The following LIMCH1 variants were observed in gnomAD, a reference collection of about 807,000 sequenced individuals.
LIMCH1 encodes the protein LIM and calponin homology domains-containing protein 1.
A neutral mutation model predicts 176.5 loss-of-function variants in LIMCH1; 113 were observed. The observed-to-expected ratio is 0.64, with a 90% CI of 0.55 to 0.75. The LOEUF is 0.75. Among genes scored for constraint, LIMCH1 ranks in the 30% least tolerant of loss-of-function variants. The pLI is 0.00. For missense variants in LIMCH1, 1,674 were observed against 1,814.9 expected, an observed-to-expected ratio of 0.92 and a Z score of 1.41; for synonymous variants, 619 against 645.9, an observed-to-expected ratio of 0.96 and a Z score of 0.63.
chr4:41,471,802 C>T (rs2066995595), intron 1 of LIMCH1, among the ~76,000 whole-genome samples: 1 of 152,094 alleles, frequency 6.6e-6, no homozygotes, highest in Admixed American at 6.5e-5. Context: ...TTACTCATTC[C>T]AGCCATGTAT....
intron 1 of LIMCH1, among the ~76,000 whole-genome samples, chr4:41,390,775 T>G (rs1457152177): frequency 6.6e-6 from 1 of 152,172 alleles, no homozygotes; most frequent in African/African-American, 2.4e-5. Flanking sequence ...AGGGCAAATA[T>G]TACCTGTAAG....
At chr4:41,419,421 A>G (rs1473152835) in intron 1 of LIMCH1, among the ~76,000 whole-genome samples, 1 of 151,738 alleles carries the variant, frequency 6.6e-6, no homozygotes, top group African/African-American at 2.4e-5. Flanking sequence ...TGATCCGCCC[A>G]CCTCGGCCTC....
At chr4:41,441,442 G>T (rs1180405162) in intron 1 of LIMCH1, among the ~76,000 whole-genome samples, 1 of 151,944 alleles carries the variant, frequency 6.6e-6, no homozygotes, top group Non-Finnish European at 1.5e-5. Context: ...CTCTTGAGTC[G>T]GTCATTTTTT....
At chr4:41,467,184 C>T (rs980144331) in intron 1 of LIMCH1, among the ~76,000 whole-genome samples, 55 of 143,332 alleles carry the variant, frequency 3.8e-4, no homozygotes, top group Middle Eastern at 3.5e-3. Context: ...CACACACACA[C>T]ACACACACAC....
At position 41,631,880 on chromosome 4, in the gene LIMCH1, G is replaced by A. The variant is rs568391783; in HGVS notation, c.1601+403G>A. ...TAGAGAGAGAAAGAAAAAGTTATTA[G>A]TATCATGAGTTCACGTTTCAGACAT... On this transcript the variant is annotated intron_variant, in intron 10 of 31. Transcript: ENST00000503057. Among the ~76,000 whole-genome samples the A allele has an allele frequency of 1.4e-4, 22 of 152,280 alleles. No individual in the cohort carries two copies. The South Asian group carries it at 4.6e-3, about 32-fold the overall frequency.
chr4:41,371,225 A>G (rs2053909154), intron 1 of LIMCH1, among the ~76,000 whole-genome samples: 1 of 152,258 alleles, frequency 6.6e-6, no homozygotes, highest in African/African-American at 2.4e-5. Context: ...TATGCTGTTT[A>G]TTGAGCATCT....
At chr4:41,472,295 C>T (rs1010503891) in intron 1 of LIMCH1, among the ~76,000 whole-genome samples, 1 of 152,126 alleles carries the variant, frequency 6.6e-6, no homozygotes, top group African/African-American at 2.4e-5. Context: ...ATGATTTTGC[C>T]AACTCTGCAG....
rs747142545 is a variant in LIMCH1, at chr4:41,650,451, G to C, written c.2879G>C (p.Arg960Thr). ...GTTCATAGAGAGGAGGAGAAGGAAA[G>C]AGAGTGTCCCACGGTGGCACCTGCC... ...ETVHREEEKE[R>T]ECPTVAPAHS... The change falls in exon 18 of 32, where the codon AGA becomes ACA. Residue 960 changes from arginine to threonine, a missense_variant. Physicochemically the swap from Arg to Thr is moderately conservative, Grantham distance 71. Coordinates refer to ENST00000503057, the MANE Select transcript of LIMCH1 (RefSeq NM_001330672.2). 2 of 1,613,954 alleles carry C rather than the reference G, an allele frequency of 1.2e-6. No individual in the cohort carries two copies. Among genetic ancestry groups the C allele is most frequent in the Admixed American group, 1.7e-5 (1 of 60,022 alleles).
intron 1 of LIMCH1, among the ~76,000 whole-genome samples, chr4:41,458,505 G>A: frequency 6.6e-6 from 1 of 152,012 alleles, no homozygotes; most frequent in East Asian, 1.9e-4. Flanking sequence ...GGCCAGGCGT[G>A]GTGGCTCATG....
rs1053587872 is a variant in LIMCH1 at position 41,522,765 on chromosome 4, A to G, written c.168-1644A>G. 2.0e-5 allele frequency among the ~76,000 whole-genome samples: 3 copies of G among 152,226 alleles called. No homozygotes were observed. The South Asian group carries it at 6.2e-4, about 32-fold the overall frequency. Reference sequence around the variant, plus strand: ...CTCTGGGGAAGTCACTCAGACTTCAATTCAGACTTCACCAGGCCTCAATTT... The same window carrying G: ...CTCTGGGGAAGTCACTCAGACTTCAGTTCAGACTTCACCAGGCCTCAATTT... On this transcript the variant is annotated intron_variant, in intron 2 of 26. Transcript: ENST00000313860.
chr4:41,646,533 C>T lies in LIMCH1; in HGVS notation c.2460C>T (p.Ser820=). Residue 820 remains serine (S), a synonymous_variant, in exon 17 of 32, where the codon TCC becomes TCT. Transcript: ENST00000503057. ...ELHEAYKNAR[S]QEEAEGILQQ... ...ATGAAGCATATAAGAACGCTCGGTCCCAGGAGGAGGCAGAGGGGATCCTTC... is the reference window on the plus strand; with the variant it reads ...ATGAAGCATATAAGAACGCTCGGTCTCAGGAGGAGGCAGAGGGGATCCTTC... 1 of 1,613,998 alleles carries T rather than the reference C, an allele frequency of 6.2e-7. No individual in the cohort carries two copies. Among genetic ancestry groups the T allele is most frequent in the Non-Finnish European group, 8.5e-7 (1 of 1,179,990 alleles).
At chr4:41,632,709 C>G in intron 10 of LIMCH1, 40 bp from the exon 11 acceptor site, 1 of 1,475,454 alleles carries the variant, frequency 6.8e-7, no homozygotes. Context: ...ACCCATGTTC[C>G]TCTCCTCTCT....
At chr4:41,636,444 C>T (rs1292958008) in intron 13 of LIMCH1, among the ~76,000 whole-genome samples, 1 of 147,808 alleles carries the variant, frequency 6.8e-6, no homozygotes, top group Admixed American at 6.8e-5. Context: ...CTTCCCCTTG[C>T]CAGCAAAGGC....
chr4:41,414,662 T>G (rs574494198), intron 1 of LIMCH1, among the ~76,000 whole-genome samples: 1 of 152,304 alleles, frequency 6.6e-6, no homozygotes, highest in African/African-American at 2.4e-5. Flanking sequence ...GAAGACTTTG[T>G]CTAATGTTGG....
upstream of LIMCH1, among the ~76,000 whole-genome samples, chr4:41,537,938 C>T (rs1264360197): frequency 6.6e-6 from 1 of 152,154 alleles, no homozygotes. Context: ...CTTTGTTCCT[C>T]GGGTCCCACT....
At chr4:41,469,670 A>G (rs1424012828) in intron 1 of LIMCH1, among the ~76,000 whole-genome samples, 1 of 150,298 alleles carries the variant, frequency 6.7e-6, no homozygotes, top group Non-Finnish European at 1.5e-5. Context: ...TTTGAGATTT[A>G]TTTATTTATT....
intron 25 of LIMCH1, among the ~76,000 whole-genome samples, chr4:41,681,524 C>G (rs1339483504): frequency 6.6e-6 from 1 of 152,042 alleles, no homozygotes; most frequent in African/African-American, 2.4e-5. Flanking sequence ...TTCTAACCCC[C>G]CCACATTCCA....
chr4:41,470,784 C>T (rs1377747296), intron 1 of LIMCH1, among the ~76,000 whole-genome samples: 3 of 152,040 alleles, frequency 2.0e-5, no homozygotes, highest in Admixed American at 1.3e-4. Flanking sequence ...GACCTCTTCT[C>T]TTGCACACTC....
intron 1 of LIMCH1, among the ~76,000 whole-genome samples, chr4:41,484,009 T>A (rs1489174541): frequency 2.0e-5 from 3 of 152,234 alleles, no homozygotes; most frequent in Non-Finnish European, 4.4e-5. Context: ...TTTCTTTGGC[T>A]TTAAAATAGA....
Sources: allele counts gnomAD v4.1 joint callset (sites outside exome capture counted in the v4.1 genomes callset), GRCh38; gene constraint gnomAD v4.1.1; transcripts MANE v1.5; gene names NCBI Gene and HGNC (gene_info 2026-07-23, HGNC 2026-07-21).